PTGER3: variants seen among roughly 807,000 people sequenced by gnomAD.
PTGER3 encodes the protein prostaglandin E2 receptor EP3 subtype.
Under a neutral mutation model 34.7 loss-of-function variants are expected in PTGER3, and 22 were observed. That is an observed-to-expected ratio of 0.63 (90% confidence interval 0.45 to 0.91). The LOEUF (loss-of-function observed/expected upper bound fraction) is 0.91, where lower values mean the gene tolerates loss of function less well. Ranked by LOEUF, PTGER3 falls within the 40% of genes least tolerant of loss-of-function variation. PTGER3 has a pLI of 0.00. For missense variants in PTGER3, 468 were observed against 519.4 expected (o/e 0.90, Z 0.96); for synonymous variants, 241 against 230.1 (o/e 1.05, Z -0.43).
intron 4 of PTGER3, among the ~76,000 whole-genome samples, chr1:70,926,503 A>T (rs1648102226): frequency 6.6e-6 from 1 of 152,088 alleles, no homozygotes; most frequent in African/African-American, 2.4e-5. Flanking sequence ...GTGTATAAGA[A>T]TGCTTGTGAT....
chr1:70,941,166 C>T (rs149135110), intron 4 of PTGER3, among the ~76,000 whole-genome samples: 7 of 152,198 alleles, frequency 4.6e-5, no homozygotes, highest in African/African-American at 1.7e-4. Context: ...AAAGAGTTGT[C>T]AAGTCTAAAA....
chr1:70,973,907 G>A (rs11587601), intron 3 of PTGER3, among the ~76,000 whole-genome samples: 36,544 of 151,984 alleles, frequency 0.24, 4,603 homozygotes, highest in Middle Eastern at 0.33. Flanking sequence ...TCAAAAATGC[G>A]ACTGAGAGTG....
downstream of PTGER3, among the ~76,000 whole-genome samples, chr1:70,949,662 A>G (rs150073120): frequency 1.3e-5 from 2 of 152,302 alleles, no homozygotes; most frequent in Admixed American, 1.3e-4. Context: ...AAATGATTTT[A>G]TGGACACTTG....
intron 1 of PTGER3, among the ~76,000 whole-genome samples, chr1:71,023,125 C>T (rs1010332642): frequency 1.3e-5 from 2 of 151,828 alleles, no homozygotes; most frequent in East Asian, 3.9e-4. Flanking sequence ...ACCCTCCTTA[C>T]CTTTAAACTT....
Position 70,971,632 on chromosome 1 carries a change from T to G in PTGER3, c.*98A>C, listed in dbSNP as rs1653087010. 1 of 1,432,018 alleles carries G rather than the reference T, an allele frequency of 7.0e-7. No individual in the cohort carries two copies. Among genetic ancestry groups the G allele is most frequent in the South Asian group, 1.7e-5 (1 of 59,098 alleles). 88.7% of individuals were successfully genotyped at this position (1,432,018 alleles called of 1,614,324 possible). ...TAAAAAGATAAAAATGAAGAAATAA[T>G]CCAAATTAAAATATATAATTATCCT... On this transcript the variant is annotated 3_prime_UTR_variant, in exon 4 of 4. Transcript: ENST00000306666.
At chr1:71,027,873 TG>T (rs1367978138) in intron 1 of PTGER3, among the ~76,000 whole-genome samples, 5 of 152,226 alleles carry the variant, frequency 3.3e-5, no homozygotes, top group Non-Finnish European at 7.3e-5. Flanking sequence ...AAAACTCTGC[TG>T]TGTAGTTTAC....
At chr1:70,923,884 G>A (rs1014407822) in intron 4 of PTGER3, among the ~76,000 whole-genome samples, 3 of 152,110 alleles carry the variant, frequency 2.0e-5, no homozygotes, top group African/African-American at 7.2e-5. Flanking sequence ...CTTTTGCAAC[G>A]GGACACAATT....
intron 4 of PTGER3, among the ~76,000 whole-genome samples, chr1:70,918,099 G>A (rs1647234719): frequency 6.6e-6 from 1 of 152,042 alleles, no homozygotes; most frequent in South Asian, 2.1e-4. Flanking sequence ...TGCATTTACA[G>A]CCAACTGATT....
At chr1:70,853,010 G>T in intron 4 of PTGER3, 1 of 930,854 alleles carries the variant, frequency 1.1e-6, no homozygotes, top group Non-Finnish European at 1.7e-6. Context: ...ACAAGAACAA[G>T]AACGAAGTTG....
intron 4 of PTGER3, among the ~76,000 whole-genome samples, chr1:70,899,585 C>A (rs1346133654): frequency 6.6e-6 from 1 of 151,948 alleles, no homozygotes; most frequent in Non-Finnish European, 1.5e-5. Context: ...TTATATGGTG[C>A]TTTTATGCTT....
chr1:70,875,785 T>C (rs1341798508), intron 4 of PTGER3, among the ~76,000 whole-genome samples: 1 of 152,194 alleles, frequency 6.6e-6, no homozygotes, highest in Admixed American at 6.5e-5. Flanking sequence ...TCCATATTGC[T>C]GTAAAGGACA....
chr1:70,919,701 G>A (rs1309133868), intron 4 of PTGER3, among the ~76,000 whole-genome samples: 2 of 152,070 alleles, frequency 1.3e-5, no homozygotes, highest in African/African-American at 4.8e-5. Flanking sequence ...ACAACTGGGG[G>A]ATAAAAGAGG....
chr1:70,944,798 AC>A (rs1230610801), intron 4 of PTGER3, among the ~76,000 whole-genome samples: 1 of 152,140 alleles, frequency 6.6e-6, no homozygotes, highest in African/African-American at 2.4e-5. Context: ...CATCAGAAGT[AC>A]TAAATCTGTG....
In PTGER3 at chr1:70,974,288, A is replaced by G; in HGVS notation, c.1169+9T>C. On this transcript the variant is annotated intron_variant, in intron 3 of 3. Coordinates refer to ENST00000306666, the MANE Select transcript of PTGER3 (RefSeq NM_198719.2). The stretch of plus-strand genomic sequence containing the variant: ...TATGCTATAAATCCCGGCAGTTTCT[A>G]AATCTCACCTTTCCAAATGGTCGCT... The G allele has an allele frequency of 6.2e-7, 1 of 1,612,372 alleles. No homozygotes were observed. The highest frequency in any genetic ancestry group is 8.5e-7 in the Non-Finnish European group (1 of 1,178,770).
chr1:70,918,096 A>G (rs1195099763), intron 4 of PTGER3, among the ~76,000 whole-genome samples: 1 of 152,042 alleles, frequency 6.6e-6, no homozygotes, highest in Non-Finnish European at 1.5e-5. Context: ...CCATGCATTT[A>G]CAGCCAACTG....
rs762978071 is a variant in PTGER3 at position 70,865,692 on chromosome 1, G to A, written c.*24-12833C>T. 2.2e-6 allele frequency: 3 copies of A among 1,366,508 alleles called. No individual in the cohort carries two copies. The East Asian group carries it at 1.4e-4, about 62-fold the overall frequency. The allele number at this position is 1,366,508 out of a possible 1,614,324, so 84.6% of individuals were successfully genotyped here. A position where few individuals can be genotyped will look rare whatever the true frequency, so the allele number is the denominator to read the frequency against. ...GCAATGTGGAGTCTTTACTTACTAA[G>A]AAGTTTGAAGCTCGCAAGTGTTAGT... On this transcript the variant is annotated intron_variant, in intron 4 of 4. Coordinates refer to the PTGER3 transcript ENST00000370931.
chr1:70,946,462 A>C (rs1213573436), intron 4 of PTGER3, among the ~76,000 whole-genome samples: 3 of 152,148 alleles, frequency 2.0e-5, no homozygotes, highest in Non-Finnish European at 4.4e-5. Flanking sequence ...ACCACTACTT[A>C]ACCTGCCATG....
intron 2 of PTGER3, chr1:71,011,158 C>A (rs116310643): frequency 2.2e-4 from 218 of 985,552 alleles, no homozygotes; most frequent in Non-Finnish European, 2.6e-4. Context: ...TCAAGCTTAG[C>A]TATTGAGGTT....
intron 1 of PTGER3, among the ~76,000 whole-genome samples, chr1:71,034,432 C>T (rs988500607): frequency 8.5e-5 from 13 of 152,086 alleles, no homozygotes; most frequent in African/African-American, 3.1e-4. Flanking sequence ...ACCAAAGTAC[C>T]TGGCACAAAA....
Sources: gnomAD v4.1 joint callset for allele counts (sites outside exome capture counted in the v4.1 genomes callset) on GRCh38, gnomAD v4.1.1 for gene constraint, MANE v1.5 for transcripts, NCBI Gene and HGNC (gene_info 2026-07-23, HGNC 2026-07-21) for gene names.